STK35: variants seen among roughly 807,000 people sequenced by gnomAD.
STK35 encodes serine/threonine-protein kinase 35.
In STK35, 17 loss-of-function variants were observed where a neutral mutation model predicts 37.3. The observed-to-expected ratio is 0.46, with a 90% CI of 0.31 to 0.68. The LOEUF is 0.68. Ranked by LOEUF, STK35 falls within the 30% of genes least tolerant of loss-of-function variation. The probability of loss-of-function intolerance (pLI) is 0.05; values close to 1 mark genes in which losing one functional copy is unlikely to be tolerated. For missense variants in STK35, 595 were observed against 746.7 expected (o/e 0.80, Z 2.37); for synonymous variants, 385 against 319.1 (o/e 1.21, Z -2.20).
At chr20:2,104,361 TA>T (rs1985473114) in intron 2 of STK35, among the ~76,000 whole-genome samples, 1 of 152,216 alleles carries the variant, frequency 6.6e-6, no homozygotes, top group South Asian at 2.1e-4. Flanking sequence ...AAGTAATTTT[TA>T]GGTAATAACT....
intron 3 of STK35, among the ~76,000 whole-genome samples, chr20:2,126,877 T>G (rs1985915613): frequency 6.6e-6 from 1 of 152,128 alleles, no homozygotes; most frequent in Admixed American, 6.5e-5. Context: ...GAACTCTATA[T>G]TTTGTTTCTT....
chr20:2,112,306 A>G (rs988851883), intron 2 of STK35, among the ~76,000 whole-genome samples: 4 of 152,196 alleles, frequency 2.6e-5, no homozygotes, highest in Non-Finnish European at 4.4e-5. Flanking sequence ...AGCACTACTG[A>G]TGAATTTCCA....
At chr20:2,114,871 A>G (rs113839922) in intron 2 of STK35, among the ~76,000 whole-genome samples, 2 of 152,146 alleles carry the variant, frequency 1.3e-5, no homozygotes, top group African/African-American at 4.8e-5. Context: ...AAGGAATTGG[A>G]TGGCTTTTTG....
At chr20:2,120,530 T>C (rs1436003931) in intron 3 of STK35, among the ~76,000 whole-genome samples, 2 of 152,192 alleles carry the variant, frequency 1.3e-5, no homozygotes, top group Non-Finnish European at 2.9e-5. Context: ...AGCCAAACCC[T>C]GTGTTGCCAG....
intron 3 of STK35, among the ~76,000 whole-genome samples, chr20:2,119,107 T>TC (rs1985772028): frequency 6.6e-6 from 1 of 152,218 alleles, no homozygotes; most frequent in Non-Finnish European, 1.5e-5. Flanking sequence ...GGAGAGAAAC[T>TC]CCAAGTTGAA....
chr20:2,122,114 G>C (rs1168150999), intron 3 of STK35, among the ~76,000 whole-genome samples: 3 of 152,174 alleles, frequency 2.0e-5, no homozygotes, highest in African/African-American at 4.8e-5. Flanking sequence ...GGGGCAGATT[G>C]TTTGAGCTCA....
At chr20:2,111,254 A>G (rs1001024088) in intron 2 of STK35, among the ~76,000 whole-genome samples, 1 of 152,282 alleles carries the variant, frequency 6.6e-6, no homozygotes, top group South Asian at 2.1e-4. Flanking sequence ...TGTCCAAGAT[A>G]TGCTCTTTCA....
chr20:2,123,972 T>C (rs1985862791), intron 3 of STK35, among the ~76,000 whole-genome samples: 1 of 152,182 alleles, frequency 6.6e-6, no homozygotes, highest in African/African-American at 2.4e-5. Context: ...CTGAGTGCTT[T>C]ATGACTGATA....
intron 3 of STK35, among the ~76,000 whole-genome samples, chr20:2,138,847 G>C (rs1432827316): frequency 6.6e-6 from 1 of 152,070 alleles, no homozygotes; most frequent in Non-Finnish European, 1.5e-5. Context: ...CACATAATGA[G>C]ACCCCGTCCC....
intron 3 of STK35, among the ~76,000 whole-genome samples, chr20:2,138,591 G>A (rs1233364688): frequency 1.3e-5 from 2 of 152,198 alleles, no homozygotes; most frequent in Non-Finnish European, 2.9e-5. Context: ...CTGGAGTGAC[G>A]ATAAACCTCG....
intron 3 of STK35, among the ~76,000 whole-genome samples, chr20:2,119,033 G>A (rs1322853378): frequency 6.6e-6 from 1 of 152,188 alleles, no homozygotes; most frequent in African/African-American, 2.4e-5. Context: ...GCTAGGCTCT[G>A]GGGTGACATG....
At chr20:2,123,143 C>G (rs985869527) in intron 3 of STK35, among the ~76,000 whole-genome samples, 16 of 152,262 alleles carry the variant, frequency 1.1e-4, no homozygotes, top group Admixed American at 8.5e-4. Flanking sequence ...ATACAAACCT[C>G]CGTTACTAGG....
chr20:2,137,800 C>T (rs1208149407), intron 3 of STK35, among the ~76,000 whole-genome samples: 2 of 152,074 alleles, frequency 1.3e-5, no homozygotes, highest in Non-Finnish European at 2.9e-5. Flanking sequence ...GGCCACCGAA[C>T]CCCCAGGGCT....
rs1986304990 is a variant in STK35 at position 2,148,126 on chromosome 20, C to T, written c.*4380C>T. On this transcript the variant is annotated 3_prime_UTR_variant, in exon 4 of 4. Coordinates refer to ENST00000381482, the MANE Select transcript of STK35 (RefSeq NM_080836.4). ...GCAGGGAGGCCGTCCCGCTGGTTTT[C>T]TAGGAGAGCCCACAGGAGGAAGGGA... is the stretch of plus-strand genomic sequence containing the variant. 6.6e-6 allele frequency: 1 copy of T among 152,178 alleles called. No individual in the cohort carries two copies. The highest frequency in any genetic ancestry group is 1.5e-5 in the Non-Finnish European group (1 of 68,032). The allele number at this position is 152,178 out of a possible 1,614,324, so 9.4% of individuals were successfully genotyped here.
rs1019777578 is a variant in STK35 at position 2,147,862 on chromosome 20, A to C, written c.*4116A>C. On this transcript the variant is annotated 3_prime_UTR_variant, in exon 4 of 4. Transcript: ENST00000381482. ...CTGGGTTTTGGAGGCAGAAGTCCAG[A>C]GATACTGGCTCTGCCAAGCTGTCGT... The C allele has an allele frequency of 1.3e-5, 2 of 152,124 alleles. No individual in the cohort carries two copies. Among genetic ancestry groups the C allele is most frequent in the Non-Finnish European group, 2.9e-5 (2 of 68,032 alleles). The allele number at this position is 152,124 out of a possible 1,614,324, so 9.4% of individuals were successfully genotyped here.
Position 2,103,394 on chromosome 20 carries a change from C to T in STK35, c.892+29C>T, listed in dbSNP as rs762358539. ...GGAGCACCGCGGGCCTTTCCACCCA[C>T]GCAGGGCCTGGACCCCCTGCTCTCC... On this transcript the variant is annotated intron_variant, in intron 2 of 3. Transcript: ENST00000381482. The T allele has an allele frequency of 2.4e-5, 38 of 1,593,112 alleles. No individual in the cohort carries two copies. In the South Asian group the frequency reaches 3.4e-4, roughly 14 times the overall value.
At chr20:2,116,154 A>C (rs1243189848) in intron 2 of STK35, among the ~76,000 whole-genome samples, 1 of 152,134 alleles carries the variant, frequency 6.6e-6, no homozygotes, top group African/African-American at 2.4e-5. Context: ...CCTCTGAAAT[A>C]AACCAAGGAA....
chr20:2,102,258 G>T (rs990575866), intron 1 of STK35, 83 bp downstream of exon 1: 17 of 1,376,912 alleles, frequency 1.2e-5, no homozygotes, highest in Non-Finnish European at 1.5e-5. Flanking sequence ...AGGGAAATCG[G>T]GTCCTCGGCC....
intron 3 of STK35, among the ~76,000 whole-genome samples, chr20:2,119,114 T>G (rs1985772134): frequency 6.6e-6 from 1 of 152,244 alleles, no homozygotes; most frequent in Non-Finnish European, 1.5e-5. Flanking sequence ...AACTCCAAGT[T>G]GAACTTGGTT....
Sources: allele counts gnomAD v4.1 joint callset (sites outside exome capture counted in the v4.1 genomes callset), GRCh38; gene constraint gnomAD v4.1.1; transcripts MANE v1.5; gene names NCBI Gene and HGNC (gene_info 2026-07-23, HGNC 2026-07-21).